The following ESR1 variants were observed in gnomAD, a reference collection of about 807,000 sequenced individuals.
The protein encoded by ESR1 is estrogen receptor 1.
ESR1 carries 12 observed loss-of-function variants against 52.7 expected under a neutral mutation model. The ratio of observed to expected loss-of-function variants is 0.23; its 90% CI spans 0.15 to 0.37. The LOEUF (loss-of-function observed/expected upper bound fraction) is 0.37. Among genes scored for constraint, ESR1 ranks in the 10% least tolerant of loss-of-function variants. The pLI is 1.00. For missense variants in ESR1, 584 were observed against 779.7 expected (o/e 0.75, Z 2.99); for synonymous variants, 305 against 316.8 (o/e 0.96, Z 0.39).
intron 2 of ESR1, among the ~76,000 whole-genome samples, chr6:151,750,494 T>G (rs1420233186): frequency 6.6e-6 from 1 of 152,172 alleles, no homozygotes; most frequent in African/African-American, 2.4e-5. Context: ...GCAAGGAGCC[T>G]AATTCTTTAG....
intron 3 of ESR1, among the ~76,000 whole-genome samples, chr6:151,941,298 C>T (rs866734888): frequency 2.6e-5 from 4 of 152,078 alleles, no homozygotes; most frequent in South Asian, 2.1e-4. Flanking sequence ...AAGGCTTGAT[C>T]GCATTGTTAA....
At chr6:151,867,414 TACACACAC>T (rs34943625) in intron 2 of ESR1, among the ~76,000 whole-genome samples, 5 of 147,458 alleles carry the variant, frequency 3.4e-5, no homozygotes, top group African/African-American at 1.0e-4. Flanking sequence ...TCAACAAATT[TACACACAC>T]ACACACACAC....
In ESR1 at chr6:151,850,080, T is replaced by A. The variant is rs373052502; in HGVS notation, c.643+7293T>A. Reference sequence around the variant, plus strand: ...TATAATTTTATATATATATAAAAAATTATATATATATAATTTTATATATAT... The same window carrying A: ...TATAATTTTATATATATATAAAAAAATATATATATATAATTTTATATATAT... On this transcript the variant is annotated intron_variant, in intron 2 of 7. Transcript: ENST00000206249. Among the ~76,000 whole-genome samples the A allele has an allele frequency of 8.5e-4, 41 of 48,398 alleles. 2 individuals are homozygous for A. The highest frequency in any genetic ancestry group is 2.6e-3 in the African/African-American group (29 of 11,154). The allele number at this position is 48,398 out of a possible 152,430, so 31.8% of individuals were successfully genotyped here.
At chr6:152,090,110 A>C (rs930273659) in intron 6 of ESR1, among the ~76,000 whole-genome samples, 8 of 152,162 alleles carry the variant, frequency 5.3e-5, no homozygotes, top group Admixed American at 3.9e-4. Context: ...TACAACAAAC[A>C]TGGTGTTCAT....
intron 2 of ESR1, among the ~76,000 whole-genome samples, chr6:151,859,272 G>A (rs921498209): frequency 6.6e-6 from 1 of 152,006 alleles, no homozygotes; most frequent in Non-Finnish European, 1.5e-5. Context: ...ATGAGAACTT[G>A]CTTTACAAAT....
At chr6:151,979,349 A>C (rs2039768970) in intron 4 of ESR1, among the ~76,000 whole-genome samples, 1 of 152,132 alleles carries the variant, frequency 6.6e-6, no homozygotes, top group Non-Finnish European at 1.5e-5. Context: ...TATTTTTTTT[A>C]AGAACAAAAT....
chr6:151,756,373 G>T (rs1282104440), intron 2 of ESR1, among the ~76,000 whole-genome samples: 2 of 152,008 alleles, frequency 1.3e-5, no homozygotes, highest in East Asian at 1.9e-4. Flanking sequence ...TCGGCCTCCC[G>T]AGTAGCTGGG....
intron 1 of ESR1, among the ~76,000 whole-genome samples, chr6:151,835,082 G>C (rs1204004540): frequency 6.6e-6 from 1 of 152,146 alleles, no homozygotes; most frequent in Non-Finnish European, 1.5e-5. Context: ...TTTAAGCTGA[G>C]AATGGGAGGA....
chr6:151,735,393 A>G (rs1045886902), intron 2 of ESR1, among the ~76,000 whole-genome samples: 3 of 152,330 alleles, frequency 2.0e-5, no homozygotes, highest in Middle Eastern at 3.4e-3. Flanking sequence ...TATCACCCAC[A>G]GAACTTCCCT....
At chr6:152,065,232 C>T (rs1465989563) in intron 6 of ESR1, among the ~76,000 whole-genome samples, 1 of 152,260 alleles carries the variant, frequency 6.6e-6, no homozygotes, top group East Asian at 1.9e-4. Flanking sequence ...TTAGAGAAAA[C>T]TTAGAGCAAC....
rs2128528809 is a variant in ESR1 at position 151,944,418 on chromosome 6, C to A, written c.1006C>A (p.Pro336Thr). ...CTATTCCGAGTATGATCCTACCAGA[C>A]CCTTCAGTGAAGCTTCGATGATGGG... ...ILYSEYDPTRPFSEASMMGLL... is the reference protein window; with the variant it reads ...ILYSEYDPTRTFSEASMMGLL... The change falls in exon 4 of 8, where the codon CCC becomes ACC. Residue 336 changes from proline (P) to threonine (T), a missense_variant. This residue lies in a region of ESR1 where 141 missense variants were observed against 289.3 expected (regional missense o/e 0.49). Coordinates refer to ENST00000206249, the MANE Select transcript of ESR1 (RefSeq NM_000125.4). 1 of 1,614,056 alleles carries A rather than the reference C, an allele frequency of 6.2e-7. No homozygotes were observed. Among genetic ancestry groups the A allele is most frequent in the East Asian group, 2.2e-5 (1 of 44,864 alleles).
chr6:152,043,084 C>T (rs1323239106), intron 5 of ESR1, among the ~76,000 whole-genome samples: 1 of 152,136 alleles, frequency 6.6e-6, no homozygotes, highest in Non-Finnish European at 1.5e-5. Flanking sequence ...ATCTTCTGTA[C>T]TCTCCCAGCT....
In ESR1 at chr6:151,771,875, AAG is replaced by A. The variant is rs532714616; in HGVS notation, c.-70-35966_-70-35965del. On this transcript the variant is annotated intron_variant, in intron 2 of 2. Transcript: ENST00000404742. ...CAACTGACAAATAACTATGGGGAGT[AAG>A]AAATTACTTGGAATGGAATATGTTT... 4.2e-3 allele frequency among the ~76,000 whole-genome samples: 634 copies of A among 152,350 alleles called. 2 individuals carry two copies. The highest frequency in any genetic ancestry group is 6.7e-3 in the Non-Finnish European group (455 of 68,026).
chr6:151,721,938 G>A (rs1781490419), intron 2 of ESR1, among the ~76,000 whole-genome samples: 1 of 152,224 alleles, frequency 6.6e-6, no homozygotes, highest in South Asian at 2.1e-4. Context: ...TTTATTTGAA[G>A]CAAGTCCACA....
At chr6:151,668,697 C>G (rs1202166525) in intron 1 of ESR1, among the ~76,000 whole-genome samples, 2 of 152,164 alleles carry the variant, frequency 1.3e-5, no homozygotes, top group Non-Finnish European at 2.9e-5. Flanking sequence ...GCACTGGCAA[C>G]TCCTGAGTTT....
chr6:152,077,769 C>G (rs1354161436), intron 6 of ESR1, among the ~76,000 whole-genome samples: 1 of 152,180 alleles, frequency 6.6e-6, no homozygotes, highest in Non-Finnish European at 1.5e-5. Context: ...CCTGTAACCC[C>G]TTTGTTTTGG....
chr6:151,894,445 G>C (rs759081298), intron 3 of ESR1, among the ~76,000 whole-genome samples: 1 of 151,932 alleles, frequency 6.6e-6, no homozygotes, highest in Admixed American at 6.6e-5. Context: ...TGGGTTTTTG[G>C]TCATAAAATC....
At chr6:151,801,568 C>T (rs955514666), upstream of ESR1, among the ~76,000 whole-genome samples, 4 of 152,156 alleles carry the variant, frequency 2.6e-5, no homozygotes, top group Non-Finnish European at 2.9e-5. Context: ...GGGTCTTTGG[C>T]GTGATTCTTG....
intron 2 of ESR1, among the ~76,000 whole-genome samples, chr6:151,746,729 C>T (rs1228423087): frequency 6.6e-6 from 1 of 152,208 alleles, no homozygotes. Flanking sequence ...TGTCACAACT[C>T]TTTTATATAA....
Sources: gnomAD v4.1 joint callset for allele counts (sites outside exome capture counted in the v4.1 genomes callset) on GRCh38, gnomAD v4.1.1 for gene constraint, gnomAD v4.1.1 regional missense constraint, MANE v1.5 for transcripts, NCBI Gene and HGNC (gene_info 2026-07-23, HGNC 2026-07-21) for gene names.